KCNG2: variants seen among roughly 807,000 people sequenced by gnomAD.
KCNG2 encodes the protein voltage-gated potassium channel regulatory subunit KCNG2.
In KCNG2, 7 loss-of-function variants were observed where a neutral mutation model predicts 12.3. That is an observed-to-expected ratio of 0.57 (90% confidence interval 0.32 to 1.07). The LOEUF (loss-of-function observed/expected upper bound fraction) is 1.07. Among genes scored for constraint, KCNG2 ranks in the 50% least tolerant of loss-of-function variants. The pLI, the probability that KCNG2 is intolerant of heterozygous loss-of-function variation, is 0.04. For missense variants in KCNG2, 703 were observed against 726.0 expected, an observed-to-expected ratio of 0.97 and a Z score of 0.36; for synonymous variants, 414 against 351.4, an observed-to-expected ratio of 1.18 and a Z score of -1.99.
chr18:79,809,907 C>G (rs1033632985), intron 1 of KCNG2, among the ~76,000 whole-genome samples: 1 of 152,216 alleles, frequency 6.6e-6, no homozygotes, highest in Non-Finnish European at 1.5e-5. Flanking sequence ...ACTATCGTGA[C>G]GCTCCAACTT....
chr18:79,838,541 G>C (rs1329973466), intron 1 of KCNG2, among the ~76,000 whole-genome samples: 3 of 151,944 alleles, frequency 2.0e-5, no homozygotes, highest in African/African-American at 7.3e-5. Flanking sequence ...CTCCTGAGTA[G>C]CTGGGACCAA....
intron 3 of KCNG2, among the ~76,000 whole-genome samples, chr18:79,898,726 C>G (rs182553674): frequency 3.3e-5 from 5 of 152,350 alleles, no homozygotes; most frequent in Admixed American, 2.6e-4. Context: ...GATGTTTCTT[C>G]GTTTGCTGTT....
At chr18:79,849,738 G>C (rs1238621279) in intron 1 of KCNG2, among the ~76,000 whole-genome samples, 1 of 152,252 alleles carries the variant, frequency 6.6e-6, no homozygotes, top group African/African-American at 2.4e-5. Context: ...CGTGGCTGGG[G>C]GCTGATGCTG....
chr18:79,863,245 C>T (rs1411858524), intron 2 of KCNG2, among the ~76,000 whole-genome samples: 1 of 152,254 alleles, frequency 6.6e-6, no homozygotes, highest in African/African-American at 2.4e-5. Context: ...GCTAGGACTG[C>T]GTCTCTCCCT....
rs1333100839 is a variant in KCNG2, at chr18:79,864,281, A to G, written c.614A>G (p.Glu205Gly). ...AGCACCATGCCGGACATCCGCGCCG[A>G]GGAGGAGCGGGTGAGCGCGGCCGGG... is the stretch of plus-strand genomic sequence containing the variant. ...CLSTMPDIRA[E>G]EERGECSPKC... The change falls in exon 3 of 4, where the codon GAG (glutamate) becomes GGG (glycine). Residue 205 changes from glutamate (E) to glycine (G), a missense_variant. Coordinates refer to ENST00000316249, the MANE Select transcript of KCNG2 (RefSeq NM_012283.2). 1 of 1,494,394 alleles carries G rather than the reference A, an allele frequency of 6.7e-7. No individual in the cohort carries two copies. The highest frequency in any genetic ancestry group is 1.9e-5 in the Admixed American group (1 of 52,354). The allele number at this position is 1,494,394 out of a possible 1,614,324, so 92.6% of individuals were successfully genotyped here.
At chr18:79,831,976 C>T (rs539245369) in intron 1 of KCNG2, among the ~76,000 whole-genome samples, 6 of 152,280 alleles carry the variant, frequency 3.9e-5, no homozygotes, top group East Asian at 1.9e-4. Context: ...AAGGAGCAGC[C>T]GTCAGAGCAA....
At chr18:79,887,354 C>T (rs1218897608) in intron 3 of KCNG2, among the ~76,000 whole-genome samples, 1 of 152,030 alleles carries the variant, frequency 6.6e-6, no homozygotes, top group African/African-American at 2.4e-5. Flanking sequence ...GGACTGTTTC[C>T]AGGACACACT....
Position 79,822,885 on chromosome 18 carries a change from A to G in KCNG2, c.-115+24871A>G, listed in dbSNP as rs998015448. ...TCCGTGGGGTTGTGGATTCCTTGTG[A>G]GGCACCTGGGCTTATCGTGGGCGTT... On this transcript the variant is annotated intron_variant, in intron 1 of 3. Transcript: ENST00000316249. The surrounding 1 kb of genome is among the most constrained non-coding windows in gnomAD (Gnocchi z 4.4). Among the ~76,000 whole-genome samples, 13 of 152,140 alleles carry G rather than the reference A, an allele frequency of 8.5e-5. No individual in the cohort carries two copies. The highest frequency in any genetic ancestry group is 1.3e-4 in the Non-Finnish European group (9 of 68,034).
rs555095413 is a variant in KCNG2 at position 79,833,583 on chromosome 18, C to T, written c.-114-22796C>T. On this transcript the variant is annotated intron_variant, in intron 1 of 3. Transcript: ENST00000316249. ...GTATAAGTTCATAGAACAAAACCTG[C>T]AAGTTTATAGAACAAAGCCCAAATC... Among the ~76,000 whole-genome samples the T allele has an allele frequency of 9.2e-5, 14 of 152,326 alleles. No individual in the cohort carries two copies. The East Asian group carries it at 2.5e-3, about 27-fold the overall frequency.
chr18:79,848,624 C>A (rs1978705324), intron 1 of KCNG2, among the ~76,000 whole-genome samples: 1 of 152,258 alleles, frequency 6.6e-6, no homozygotes, highest in Admixed American at 6.5e-5. Context: ...CTCGCACACA[C>A]TTCCGGGGAC....
At chr18:79,836,798 C>T (rs183648223) in intron 1 of KCNG2, among the ~76,000 whole-genome samples, 14 of 152,212 alleles carry the variant, frequency 9.2e-5, no homozygotes, top group Non-Finnish European at 1.3e-4. Context: ...AAACCAACCC[C>T]GTAATCCAAT....
intron 1 of KCNG2, among the ~76,000 whole-genome samples, chr18:79,815,577 C>T (rs919563111): frequency 6.6e-6 from 1 of 152,190 alleles, no homozygotes; most frequent in Non-Finnish European, 1.5e-5. Context: ...AAGGAACCAC[C>T]GCTCAGCAAA....
chr18:79,845,537 G>C (rs958812282), intron 1 of KCNG2, among the ~76,000 whole-genome samples: 3 of 152,180 alleles, frequency 2.0e-5, no homozygotes, highest in Non-Finnish European at 4.4e-5. Flanking sequence ...TACATACCCT[G>C]CTTTGTGGAT....
intron 3 of KCNG2, among the ~76,000 whole-genome samples, chr18:79,872,086 G>A (rs931348062): frequency 1.6e-4 from 24 of 152,102 alleles, no homozygotes; most frequent in African/African-American, 4.8e-4. Flanking sequence ...GCAGAGGCTC[G>A]TGGAGGCCTG....
chr18:79,892,702 A>G (rs986200636), intron 3 of KCNG2, among the ~76,000 whole-genome samples: 2 of 143,518 alleles, frequency 1.4e-5, no homozygotes, highest in Non-Finnish European at 3.1e-5. Context: ...GGTTGTTCAC[A>G]CCATTGATAA....
At chr18:79,828,315 T>A (rs1978287699) in intron 1 of KCNG2, among the ~76,000 whole-genome samples, 1 of 152,258 alleles carries the variant, frequency 6.6e-6, no homozygotes, top group Non-Finnish European at 1.5e-5. Context: ...GTGTGCACAC[T>A]GCGTCATTGC....
intron 1 of KCNG2, among the ~76,000 whole-genome samples, chr18:79,816,853 G>A (rs886513689): frequency 1.3e-5 from 2 of 152,220 alleles, no homozygotes; most frequent in African/African-American, 2.4e-5. Flanking sequence ...AGAAGTTACC[G>A]ATTGTGTTAC....
intron 3 of KCNG2, among the ~76,000 whole-genome samples, chr18:79,864,977 T>TGA (rs1450412773): frequency 3.6e-5 from 4 of 112,650 alleles, no homozygotes; most frequent in Non-Finnish European, 5.5e-5. Flanking sequence ...GTCTGGGTGC[T>TGA]GAGAGGTCTG....
At position 79,822,364 on chromosome 18, in the gene KCNG2, C is replaced by G. The variant is rs1191289613; in HGVS notation, c.-115+24350C>G. 6.6e-6 allele frequency among the ~76,000 whole-genome samples: 1 copy of G among 152,176 alleles called. No individual in the cohort carries two copies. The highest frequency in any genetic ancestry group is 6.5e-5 in the Admixed American group (1 of 15,274). Reference sequence around the variant, plus strand: ...CACGGTTCTGTCCAGGGCCCCTCACCATCGTTCCCATCATCCGTCTGTAAT... The same window carrying G: ...CACGGTTCTGTCCAGGGCCCCTCACGATCGTTCCCATCATCCGTCTGTAAT... On this transcript the variant is annotated intron_variant, in intron 1 of 3. Coordinates refer to ENST00000316249, the MANE Select transcript of KCNG2 (RefSeq NM_012283.2). The surrounding 1 kb of genome is among the most constrained non-coding windows in gnomAD (Gnocchi z 4.4).
Sources: allele counts gnomAD v4.1 joint callset (sites outside exome capture counted in the v4.1 genomes callset), GRCh38; gene constraint gnomAD v4.1.1; non-coding constraint Gnocchi (gnomAD v3.1); transcripts MANE v1.5; gene names NCBI Gene and HGNC (gene_info 2026-07-23, HGNC 2026-07-21).